The following XNDC1N variants were observed in gnomAD, a reference collection of about 807,000 sequenced individuals.
XNDC1N encodes protein XNDC1N.
the XNDC1N span, among the ~76,000 whole-genome samples, chr11:71,900,446 A>G: frequency 6.6e-6 from 1 of 151,814 alleles, no homozygotes; most frequent in East Asian, 1.9e-4. Flanking sequence ...CAAACAGGAG[A>G]GTGTGGTGGA....
the XNDC1N span, among the ~76,000 whole-genome samples, chr11:71,890,446 T>C: frequency 6.6e-6 from 1 of 151,950 alleles, no homozygotes; most frequent in Non-Finnish European, 1.5e-5. Flanking sequence ...GGACAATATC[T>C]CAGGGATAGT....
At chr11:71,921,699 G>C in the XNDC1N span, among the ~76,000 whole-genome samples, 1 of 152,132 alleles carries the variant, frequency 6.6e-6, no homozygotes, top group Non-Finnish European at 1.5e-5. Flanking sequence ...GTGCACGCGT[G>C]CATGTTTTTT....
chr11:71,875,752 C>T, the XNDC1N span, among the ~76,000 whole-genome samples: 3 of 152,128 alleles, frequency 2.0e-5, no homozygotes, highest in African/African-American at 7.2e-5. Flanking sequence ...CAGCGCCGGG[C>T]ACGTAGCTCA....
chr11:71,910,717 G>A, the XNDC1N span, among the ~76,000 whole-genome samples: 1 of 152,160 alleles, frequency 6.6e-6, no homozygotes, highest in African/African-American at 2.4e-5. Context: ...CACAGCCCGG[G>A]GTCAGAACGA....
At chr11:71,891,754 T>G in the XNDC1N span, among the ~76,000 whole-genome samples, 1 of 152,054 alleles carries the variant, frequency 6.6e-6, no homozygotes, top group Non-Finnish European at 1.5e-5. Flanking sequence ...CCTGCGATAT[T>G]GGGAGTAATA....
chr11:71,877,685 A>T, the XNDC1N span, among the ~76,000 whole-genome samples: 1 of 152,226 alleles, frequency 6.6e-6, no homozygotes, highest in African/African-American at 2.4e-5. Context: ...ACCCTCTTTA[A>T]GCATTCCCTA....
chr11:71,896,603 G>C, the XNDC1N span, among the ~76,000 whole-genome samples: 9 of 152,204 alleles, frequency 5.9e-5, no homozygotes, highest in African/African-American at 2.2e-4. Context: ...CACTCTTGTT[G>C]CCCAGGCTGG....
chr11:71,898,841 C>G, the XNDC1N span, among the ~76,000 whole-genome samples: 1 of 152,020 alleles, frequency 6.6e-6, no homozygotes, highest in Non-Finnish European at 1.5e-5. Context: ...AAACTGTAAA[C>G]TGAAAAAGCA....
At chr11:71,890,439 C>A in the XNDC1N span, among the ~76,000 whole-genome samples, 2 of 151,952 alleles carry the variant, frequency 1.3e-5, no homozygotes, top group Non-Finnish European at 2.9e-5. Flanking sequence ...AACTTAGGGA[C>A]AATATCTCAG....
chr11:71,895,317 C>CT, the XNDC1N span, among the ~76,000 whole-genome samples: 905 of 150,488 alleles, frequency 6.0e-3, 9 homozygotes, highest in African/African-American at 0.021. Flanking sequence ...ATTTCTTTCC[C>CT]TTTTTTTTTG....
the XNDC1N span, among the ~76,000 whole-genome samples, chr11:71,881,352 C>T: frequency 3.9e-5 from 6 of 152,060 alleles, no homozygotes; most frequent in Non-Finnish European, 7.4e-5. Context: ...TCTTGCATTG[C>T]TATAGGGTTA....
At chr11:71,891,570 T>C in the XNDC1N span, among the ~76,000 whole-genome samples, 3 of 152,112 alleles carry the variant, frequency 2.0e-5, no homozygotes, top group Non-Finnish European at 1.5e-5. Flanking sequence ...CAGAGAAAGA[T>C]ACCACACCGC....
the XNDC1N span, among the ~76,000 whole-genome samples, chr11:71,892,683 T>C: frequency 3.1e-5 from 4 of 131,050 alleles, no homozygotes; most frequent in Admixed American, 7.3e-5. Context: ...GCCCGGCTAA[T>C]TTTTTTTTTT....
At chr11:71,896,115 G>A in the XNDC1N span, among the ~76,000 whole-genome samples, 10 of 152,210 alleles carry the variant, frequency 6.6e-5, no homozygotes, top group Middle Eastern at 3.4e-3. Context: ...CCGTCTCCAC[G>A]GTAAACACAA....
the XNDC1N span, among the ~76,000 whole-genome samples, chr11:71,927,315 C>T: frequency 6.6e-6 from 1 of 152,144 alleles, no homozygotes; most frequent in Admixed American, 6.5e-5. Context: ...GGGTGGATCA[C>T]TTAAGGTCAG....
the XNDC1N span, among the ~76,000 whole-genome samples, chr11:71,885,293 T>A: frequency 3.4e-4 from 52 of 152,288 alleles, no homozygotes; most frequent in African/African-American, 1.1e-3. Context: ...TTGAAAGTAA[T>A]ATCACATTCT....
At chr11:71,921,256 G>A in the XNDC1N span, among the ~76,000 whole-genome samples, 7 of 152,228 alleles carry the variant, frequency 4.6e-5, no homozygotes, top group South Asian at 1.5e-3. Context: ...CCAGGCTCAG[G>A]ATCCTCCCAC....
the XNDC1N span, chr11:71,893,881 C>G: frequency 1.1e-6 from 1 of 947,436 alleles, no homozygotes; most frequent in East Asian, 6.0e-5. Flanking sequence ...CATCGTGAAT[C>G]CTCACCTCTG....
chr11:71,924,551 G>A, the XNDC1N span, among the ~76,000 whole-genome samples: 740 of 152,132 alleles, frequency 4.9e-3, 11 homozygotes, highest in African/African-American at 0.017. Context: ...GGTGGTGGGC[G>A]CCTGTAGTCC....
Sources: allele counts gnomAD v4.1 joint callset (sites outside exome capture counted in the v4.1 genomes callset), GRCh38; gene constraint gnomAD v4.1.1; transcripts MANE v1.5; gene names NCBI Gene and HGNC (gene_info 2026-07-23, HGNC 2026-07-21).